Variants in SPHKAP observed in about 807,000 individuals in gnomAD.
The protein encoded by SPHKAP is SPHK1 interactor, AKAP domain containing.
Under a neutral mutation model 137.5 loss-of-function variants are expected in SPHKAP, and 67 were observed. The observed-to-expected ratio is 0.49, with a 90% CI of 0.40 to 0.60. The LOEUF (loss-of-function observed/expected upper bound fraction) is 0.60. SPHKAP is among the 20% of genes least tolerant of loss of function. The probability of loss-of-function intolerance (pLI) is 0.00; values close to 1 mark genes in which losing one functional copy is unlikely to be tolerated. For synonymous variants in SPHKAP, 813 were observed against 785.3 expected (o/e 1.04, Z -0.59); for missense variants, 2,097 against 2,069.3 (o/e 1.01, Z -0.26).
rs1325766465 is a variant in SPHKAP, at chr2:228,061,007, G to A, written c.247-33464C>T. Among the ~76,000 whole-genome samples the A allele has an allele frequency of 2.0e-5, 3 of 152,146 alleles. No individual in the cohort carries two copies. The East Asian group carries it at 5.8e-4, about 29-fold the overall frequency. On this transcript the variant is annotated intron_variant, in intron 3 of 11. Coordinates refer to ENST00000392056, the MANE Select transcript of SPHKAP (RefSeq NM_001142644.2). ...TGACAAAGGCTCCATGAATCTCACTGGATTTGAGGCCAAACTTGGAACCTT... is the reference window on the plus strand; with the variant it reads ...TGACAAAGGCTCCATGAATCTCACTAGATTTGAGGCCAAACTTGGAACCTT...
intron 3 of SPHKAP, among the ~76,000 whole-genome samples, chr2:228,064,585 A>T: frequency 6.6e-6 from 1 of 152,188 alleles, no homozygotes; most frequent in East Asian, 1.9e-4. Context: ...CGTATCAGTC[A>T]TTTACGTTAC....
chr2:227,999,690 C>T (rs1384875876), intron 7 of SPHKAP, among the ~76,000 whole-genome samples: 1 of 152,214 alleles, frequency 6.6e-6, no homozygotes. Flanking sequence ...ATCTCACATT[C>T]CATGTCACAT....
intron 3 of SPHKAP, among the ~76,000 whole-genome samples, chr2:228,029,997 G>A (rs1409540563): frequency 6.6e-6 from 1 of 152,116 alleles, no homozygotes; most frequent in Non-Finnish European, 1.5e-5. Context: ...GTTTTCTGAG[G>A]ATGAACTCTC....
intron 3 of SPHKAP, among the ~76,000 whole-genome samples, chr2:228,034,005 C>T (rs1246721716): frequency 6.6e-6 from 1 of 152,150 alleles, no homozygotes; most frequent in Non-Finnish European, 1.5e-5. Flanking sequence ...CAAAAACTAG[C>T]AGAAGGCAAG....
At chr2:228,030,513 C>CAAAAAAAAAAAAAAAAAACAAAA (rs1695251952) in intron 3 of SPHKAP, among the ~76,000 whole-genome samples, 2 of 48,776 alleles carry the variant, frequency 4.1e-5, no homozygotes, top group Admixed American at 2.6e-4. Context: ...GATACCATCT[C>CAAAAAAAAAAAAAAAAAACAAAA]AAAAAAAAAA....
rs535879537 is a variant in SPHKAP at position 227,989,744 on chromosome 2, T to C, written c.4959+1256A>G. On this transcript the variant is annotated intron_variant, in intron 11 of 11. Transcript: ENST00000392056. ...TCTCAGCCTCCCGAGTAGCCAGGAT[T>C]ACAGGTGCCTGCCACCATGCCTGGC... 1.1e-4 allele frequency among the ~76,000 whole-genome samples: 16 copies of C among 151,682 alleles called. No individual in the cohort carries two copies. In the East Asian group the frequency reaches 2.9e-3, roughly 28 times the overall value.
intron 3 of SPHKAP, among the ~76,000 whole-genome samples, chr2:228,104,342 A>AT (rs1559175453): frequency 3.1e-3 from 446 of 145,874 alleles, no homozygotes; most frequent in African/African-American, 0.01. Context: ...TTTAATATTA[A>AT]AATAATATTA....
chr2:228,149,585 A>T (rs1389797638), intron 1 of SPHKAP, among the ~76,000 whole-genome samples: 1 of 152,224 alleles, frequency 6.6e-6, no homozygotes, highest in African/African-American at 2.4e-5. Context: ...AGGAGCAACC[A>T]TCTGTAGTCA....
At chr2:228,034,363 G>A (rs1695488374) in intron 3 of SPHKAP, among the ~76,000 whole-genome samples, 1 of 152,136 alleles carries the variant, frequency 6.6e-6, no homozygotes, top group Non-Finnish European at 1.5e-5. Flanking sequence ...AGCAATAACA[G>A]GCTCTGAAAT....
intron 3 of SPHKAP, among the ~76,000 whole-genome samples, chr2:228,092,525 A>ATGTGTATATTATATG (rs1559169511): frequency 1.8e-4 from 18 of 101,218 alleles, no homozygotes; most frequent in Admixed American, 4.3e-4. Context: ...TGCCATATAT[A>ATGTGTATATTATATG]TGTATACATA....
At chr2:228,091,759 T>TA (rs898114609) in intron 3 of SPHKAP, among the ~76,000 whole-genome samples, 46 of 150,454 alleles carry the variant, frequency 3.1e-4, no homozygotes, top group East Asian at 5.9e-4. Context: ...AATCAAAAAA[T>TA]AAAAAAAAAT....
In SPHKAP at chr2:227,995,606, T is replaced by C. The variant is rs1264830454; in HGVS notation, c.4537A>G (p.Ser1513Gly). The change falls in exon 8 of 12, where the codon AGC becomes GGC. Residue 1513 changes from serine (S) to glycine (G), a missense_variant. Coordinates refer to ENST00000392056, the MANE Select transcript of SPHKAP (RefSeq NM_001142644.2). Reference protein sequence around the residue: ...PDEAPNPPSSSEESTGSWTQL... With the variant: ...PDEAPNPPSSGEESTGSWTQL... ...GTCCAGCTGCCTGTGCTCTCCTCGCTGCTGCTTGGAGGGTTGGGGGCCTCA... is the reference window on the plus strand; with the variant it reads ...GTCCAGCTGCCTGTGCTCTCCTCGCCGCTGCTTGGAGGGTTGGGGGCCTCA... 1 of 1,613,946 alleles carries C rather than the reference T, an allele frequency of 6.2e-7. No individual in the cohort carries two copies. The highest frequency in any genetic ancestry group is 8.5e-7 in the Non-Finnish European group (1 of 1,180,004).
intron 2 of SPHKAP, among the ~76,000 whole-genome samples, chr2:228,124,886 G>T (rs933437555): frequency 1.3e-5 from 2 of 152,136 alleles, no homozygotes; most frequent in African/African-American, 4.8e-5. Flanking sequence ...AGAATAAAAT[G>T]AAACATCCGG....
At chr2:228,093,726 C>T (rs1017428633) in intron 3 of SPHKAP, among the ~76,000 whole-genome samples, 2 of 116,916 alleles carry the variant, frequency 1.7e-5, no homozygotes, top group Non-Finnish European at 3.7e-5. Flanking sequence ...AGAGTGGTGG[C>T]GGGTGCCTGT....
At chr2:227,994,839 A>G (rs1258233040) in intron 8 of SPHKAP, among the ~76,000 whole-genome samples, 1 of 152,196 alleles carries the variant, frequency 6.6e-6, no homozygotes, top group Non-Finnish European at 1.5e-5. Context: ...AAACTTTCCA[A>G]GAGTCATACA....
intron 3 of SPHKAP, among the ~76,000 whole-genome samples, chr2:228,030,436 G>T (rs1481024458): frequency 1.0e-5 from 1 of 97,492 alleles, no homozygotes; most frequent in Non-Finnish European, 1.9e-5. Flanking sequence ...ATCGCTTGAA[G>T]CTGGGAGGCA....
At chr2:228,136,728 T>G (rs889473819) in intron 1 of SPHKAP, among the ~76,000 whole-genome samples, 2 of 152,186 alleles carry the variant, frequency 1.3e-5, no homozygotes, top group Non-Finnish European at 2.9e-5. Context: ...CATTAGAGTT[T>G]GAGAAACACT....
rs529839375 is a variant in SPHKAP at position 228,048,206 on chromosome 2, C to T, written c.247-20663G>A. 2.6e-5 allele frequency among the ~76,000 whole-genome samples: 4 copies of T among 152,250 alleles called. No homozygotes were observed. In the South Asian group the frequency reaches 6.2e-4, roughly 24 times the overall value. On this transcript the variant is annotated intron_variant, in intron 3 of 11. Coordinates refer to ENST00000392056, the MANE Select transcript of SPHKAP (RefSeq NM_001142644.2). ...AAATTGGAGCACCCTCAAAAGATTT[C>T]CACAAGGTTAGCTTGCTTACAGGAG...
Position 228,019,465 on chromosome 2 carries a change from T to C in SPHKAP, c.1389A>G (p.Pro463=), listed in dbSNP as rs1559351198. ...CAGGCCAGGAGGAGATGCCTGGCTG[T>C]GGGGCAGCATCACTGCCATCTGGAC... ...VQSPDGSDAA[P]QPGISSWPEM... Residue 463 remains proline (P), a synonymous_variant, in exon 7 of 12, where the codon CCA becomes CCG. Coordinates refer to ENST00000392056, the MANE Select transcript of SPHKAP (RefSeq NM_001142644.2). The C allele has an allele frequency of 6.2e-7, 1 of 1,614,120 alleles. No homozygotes were observed. Among genetic ancestry groups the C allele is most frequent in the Non-Finnish European group, 8.5e-7 (1 of 1,180,014 alleles).
Sources: gnomAD v4.1 joint callset for allele counts (sites outside exome capture counted in the v4.1 genomes callset) on GRCh38, gnomAD v4.1.1 for gene constraint, MANE v1.5 for transcripts, NCBI Gene and HGNC (gene_info 2026-07-23, HGNC 2026-07-21) for gene names.